The following DNAJA1 variants were observed in gnomAD, a reference collection of about 807,000 sequenced individuals.
DNAJA1 encodes the protein dnaJ homolog subfamily A member 1.
In DNAJA1, 26 loss-of-function variants were observed where a neutral mutation model predicts 47.6. The observed-to-expected ratio is 0.55, with a 90% CI of 0.40 to 0.76. The LOEUF is 0.76. Ranked by LOEUF, DNAJA1 falls within the 30% of genes least tolerant of loss-of-function variation. The pLI, the probability that DNAJA1 is intolerant of heterozygous loss-of-function variation, is 0.00. For missense variants in DNAJA1, 315 were observed against 485.0 expected, an observed-to-expected ratio of 0.65 and a Z score of 3.29; for synonymous variants, 165 against 158.4, an observed-to-expected ratio of 1.04 and a Z score of -0.31.
chr9:33,033,689 C>CTT (rs2119390136), intron 5 of DNAJA1, among the ~76,000 whole-genome samples: 1 of 152,220 alleles, frequency 6.6e-6, no homozygotes, highest in African/African-American at 2.4e-5. Flanking sequence ...GATCCTATCT[C>CTT]AAGAGAAGAT....
At chr9:33,037,318 A>AAC in intron 8 of DNAJA1, 1 of 147,898 alleles carries the variant, frequency 6.8e-6, no homozygotes. Context: ...TTAAAAAAAC[A>AAC]AAAAAAAAAA....
chr9:33,026,568 A>G lies in DNAJA1; in HGVS notation c.84A>G (p.Lys28=), dbSNP rs777401503. The part of the protein sequence containing the change: ...TQEELKKAYR[K]LALKYHPDKN... ...AAGAATTGAAAAAGGCTTATAGGAAACTGGCTTTGAAGTACCATCCTGATA... is the reference window on the plus strand; with the variant it reads ...AAGAATTGAAAAAGGCTTATAGGAAGCTGGCTTTGAAGTACCATCCTGATA... Residue 28 remains lysine (K), a synonymous_variant, in exon 2 of 9, where the codon AAA becomes AAG. Coordinates refer to ENST00000330899, the MANE Select transcript of DNAJA1 (RefSeq NM_001539.4). 4.3e-6 allele frequency: 7 copies of G among 1,611,928 alleles called. No homozygotes were observed. Among genetic ancestry groups the G allele is most frequent in the South Asian group, 3.3e-5 (3 of 90,404 alleles).
At chr9:33,035,592 C>G (rs757247912) in intron 6 of DNAJA1, among the ~76,000 whole-genome samples, 4 of 152,132 alleles carry the variant, frequency 2.6e-5, no homozygotes, top group Non-Finnish European at 4.4e-5. Context: ...ACCTCAGCCT[C>G]CCGAGTAGCT....
rs1359748553 is a variant in DNAJA1 at position 33,039,379 on chromosome 9, T to G, written c.*476T>G. ...CATTGTAATGCCTCTGCATTTATTCTGTTGCCTCAGCTGTTACTTGAAGAT... is the reference window on the plus strand; with the variant it reads ...CATTGTAATGCCTCTGCATTTATTCGGTTGCCTCAGCTGTTACTTGAAGAT... On this transcript the variant is annotated 3_prime_UTR_variant, in exon 9 of 9. Transcript: ENST00000330899. 1 of 152,852 alleles carries G rather than the reference T, an allele frequency of 6.5e-6. No individual in the cohort carries two copies. The highest frequency in any genetic ancestry group is 6.5e-5 in the Admixed American group (1 of 15,356). 9.5% of individuals were successfully genotyped at this position (152,852 alleles called of 1,614,324 possible).
intron 6 of DNAJA1, 58 bp downstream of exon 6, chr9:33,034,388 T>G: frequency 1.6e-6 from 2 of 1,227,372 alleles, no homozygotes; most frequent in Non-Finnish European, 2.3e-6. Flanking sequence ...GTTGGTTTTG[T>G]TTTTTGTTTT....
chr9:33,030,701 A>C lies in DNAJA1; in HGVS notation c.643+34A>C, dbSNP rs768358364. 5 of 1,519,326 alleles carry C rather than the reference A, an allele frequency of 3.3e-6. 1 individual carries two copies. In the South Asian group the frequency reaches 5.9e-5, roughly 18 times the overall value. 94.1% of individuals were successfully genotyped at this position (1,519,326 alleles called of 1,614,324 possible). On this transcript the variant is annotated intron_variant, in intron 5 of 8. Transcript: ENST00000330899. ...TGAGTTACTTATTCTGAAGTCTTGA[A>C]TGCTGTGGCAGATTTATTATTAACA...
chr9:33,027,033 GTTGGT>G, intron 3 of DNAJA1, 43 bp downstream of exon 3: 1 of 1,610,960 alleles, frequency 6.2e-7, no homozygotes, highest in Non-Finnish European at 8.5e-7. Context: ...AAAGTTAGCT[GTTGGT>G]CAGAGCAGAT....
At chr9:33,031,078 G>C (rs1838953748) in intron 5 of DNAJA1, among the ~76,000 whole-genome samples, 1 of 152,192 alleles carries the variant, frequency 6.6e-6, no homozygotes, top group African/African-American at 2.4e-5. Context: ...GTTAGGTGAA[G>C]AATTGGGTCT....
chr9:33,037,126 A>T lies in DNAJA1; in HGVS notation c.975+11A>T. 1 of 1,607,464 alleles carries T rather than the reference A, an allele frequency of 6.2e-7. No individual in the cohort carries two copies. Among genetic ancestry groups the T allele is most frequent in the African/African-American group, 1.3e-5 (1 of 74,734 alleles). On this transcript the variant is annotated intron_variant, in intron 8 of 8. Transcript: ENST00000330899. ...ATCATCGAATTTAAGGTAAGCTGTA[A>T]TGTACTTTAAGAATACTTGAGAACA...
rs139108229 is a variant in DNAJA1, at chr9:33,030,616, G to A, written c.592G>A (p.Gly198Arg). The change falls in exon 5 of 9, where the codon GGA (glycine) becomes AGA (arginine). Residue 198 changes from glycine to arginine, a missense_variant. Transcript: ENST00000330899. ...TAAAGATAGATGTAAAAGCTGCAACGGAAGGAAGATAGTTCGAGAGAAGAA... is the reference window on the plus strand; with the variant it reads ...TAAAGATAGATGTAAAAGCTGCAACAGAAGGAAGATAGTTCGAGAGAAGAA... Reference protein sequence around the residue: ...SPKDRCKSCNGRKIVREKKIL... With the variant: ...SPKDRCKSCNRRKIVREKKIL... 53 of 1,613,912 alleles carry A rather than the reference G, an allele frequency of 3.3e-5. No homozygotes were observed. Among genetic ancestry groups the A allele is most frequent in the Admixed American group, 1.7e-5 (1 of 59,980 alleles).
At chr9:33,029,170 T>A (rs1401878241) in intron 3 of DNAJA1, among the ~76,000 whole-genome samples, 3 of 152,246 alleles carry the variant, frequency 2.0e-5, no homozygotes, top group African/African-American at 7.2e-5. Context: ...ATACGGTTTC[T>A]TAGTCTAAAT....
chr9:33,032,014 T>C (rs1587698531), intron 5 of DNAJA1, among the ~76,000 whole-genome samples: 1 of 152,240 alleles, frequency 6.6e-6, no homozygotes, highest in Non-Finnish European at 1.5e-5. Flanking sequence ...AAGAAATGTA[T>C]ATAACCCCAG....
chr9:33,038,469 C>T (rs1041708832), intron 8 of DNAJA1, among the ~76,000 whole-genome samples: 15 of 152,168 alleles, frequency 9.9e-5, no homozygotes, highest in African/African-American at 2.7e-4. Flanking sequence ...TTAATACAAT[C>T]ATTTTTAATA....
Position 33,039,112 on chromosome 9 carries a change from T to A in DNAJA1, c.*209T>A. 1.8e-6 allele frequency: 1 copy of A among 557,766 alleles called. No homozygotes were observed. Among genetic ancestry groups the A allele is most frequent in the Non-Finnish European group, 3.2e-6 (1 of 315,426 alleles). The allele number at this position is 557,766 out of a possible 1,614,324, so 34.6% of individuals were successfully genotyped here. A position where few individuals can be genotyped will look rare whatever the true frequency, so the allele number is the denominator to read the frequency against. On this transcript the variant is annotated 3_prime_UTR_variant, in exon 9 of 9. Coordinates refer to ENST00000330899, the MANE Select transcript of DNAJA1 (RefSeq NM_001539.4). ...GATGACTTCAGTGTGCAAGATGAAG[T>A]TTAATACCTGTAAAAACTACAAAGA... is the stretch of plus-strand genomic sequence containing the variant.
intron 5 of DNAJA1, among the ~76,000 whole-genome samples, chr9:33,031,505 C>A (rs112931279): frequency 3.3e-5 from 5 of 152,230 alleles, no homozygotes; most frequent in African/African-American, 9.6e-5. Flanking sequence ...GATCTTGGCT[C>A]ACTCTAACCT....
At chr9:33,028,833 G>C (rs1467669516) in intron 3 of DNAJA1, among the ~76,000 whole-genome samples, 2 of 152,186 alleles carry the variant, frequency 1.3e-5, no homozygotes, top group Non-Finnish European at 2.9e-5. Flanking sequence ...CAAAACTAAA[G>C]GTGGAACTAT....
intron 7 of DNAJA1, 89 bp downstream of exon 7, chr9:33,036,778 G>T: frequency 1.0e-6 from 1 of 955,036 alleles, no homozygotes; most frequent in East Asian, 2.6e-5. Context: ...AGGCACTGAG[G>T]GAAACCCATT....
intron 4 of DNAJA1, among the ~76,000 whole-genome samples, 186 bp from the exon 5 acceptor site, chr9:33,030,254 G>C (rs1304039093): frequency 6.8e-6 from 1 of 147,902 alleles, no homozygotes; most frequent in Admixed American, 6.8e-5. Flanking sequence ...AAAATTTATT[G>C]GAAAGTGTGT....
At chr9:33,031,818 A>G (rs1293181714) in intron 5 of DNAJA1, among the ~76,000 whole-genome samples, 2 of 152,170 alleles carry the variant, frequency 1.3e-5, no homozygotes, top group Non-Finnish European at 2.9e-5. Flanking sequence ...TTGATTTGAT[A>G]GACTACCTTT....
Sources: gnomAD v4.1 joint callset for allele counts (sites outside exome capture counted in the v4.1 genomes callset) on GRCh38, gnomAD v4.1.1 for gene constraint, MANE v1.5 for transcripts, NCBI Gene and HGNC (gene_info 2026-07-23, HGNC 2026-07-21) for gene names.